Variants in KAT6B observed in about 807,000 individuals in gnomAD.
KAT6B encodes the protein histone acetyltransferase KAT6B.
KAT6B carries 10 observed loss-of-function variants against 187.5 expected under a neutral mutation model. The ratio of observed to expected loss-of-function variants is 0.05; its 90% CI spans 0.03 to 0.09. The LOEUF (loss-of-function observed/expected upper bound fraction) is 0.09. Among genes scored for constraint, KAT6B ranks in the 10% least tolerant of loss-of-function variants. The pLI is 1.00. For synonymous variants in KAT6B, 861 were observed against 926.8 expected, an observed-to-expected ratio of 0.93 and a Z score of 1.29; for missense variants, 1,952 against 2,558.9, an observed-to-expected ratio of 0.76 and a Z score of 5.12.
chr10:75,020,331 C>G (rs904652573), intron 13 of KAT6B, among the ~76,000 whole-genome samples: 2 of 152,174 alleles, frequency 1.3e-5, no homozygotes, highest in African/African-American at 4.8e-5. Flanking sequence ...TTAAATATGT[C>G]ACAATATGTG....
upstream of KAT6B, among the ~76,000 whole-genome samples, chr10:74,825,051 G>A (rs1840089877): frequency 6.6e-6 from 1 of 152,186 alleles, no homozygotes; most frequent in Non-Finnish European, 1.5e-5. This position sits in a 1 kb window ranked among gnomAD's most constrained non-coding sequence, Gnocchi z 5.0. Context: ...TGCCGCCGCC[G>A]TGCCCTGTCC....
intron 13 of KAT6B, among the ~76,000 whole-genome samples, chr10:75,014,896 T>C (rs937614598): frequency 2.6e-5 from 4 of 152,192 alleles, no homozygotes; most frequent in Non-Finnish European, 4.4e-5. Flanking sequence ...AGTGAGGTCT[T>C]ACCTATTTGA....
At chr10:74,969,571 A>G (rs754676050) in intron 4 of KAT6B, 89 bp from the exon 5 acceptor site, 5 of 764,670 alleles carry the variant, frequency 6.5e-6, no homozygotes, top group South Asian at 2.9e-5. Context: ...GGCTAGCCTC[A>G]TCAGCTATCT....
At chr10:74,859,631 G>A (rs1843040968) in intron 3 of KAT6B, among the ~76,000 whole-genome samples, 1 of 152,156 alleles carries the variant, frequency 6.6e-6, no homozygotes, top group African/African-American at 2.4e-5. Context: ...TGGAAATTCT[G>A]ACTAATCCAG....
chr10:74,931,958 T>C (rs1848912514), intron 3 of KAT6B, among the ~76,000 whole-genome samples: 1 of 152,040 alleles, frequency 6.6e-6, no homozygotes, highest in Admixed American at 6.5e-5. Context: ...GTAATCCTCC[T>C]GTGTTGGCCT....
intron 13 of KAT6B, among the ~76,000 whole-genome samples, chr10:74,994,801 G>GT (rs2133913052): frequency 7.0e-6 from 1 of 143,428 alleles, no homozygotes; most frequent in African/African-American, 2.6e-5. Context: ...GACTTCATCT[G>GT]TTAAAAAAAA....
In KAT6B at chr10:75,032,327, A is replaced by G. The variant is rs1846369871; in HGVS notation, c.*1281A>G. The G allele has an allele frequency of 5.2e-6, 1 of 193,910 alleles. No homozygotes were observed. The highest frequency in any genetic ancestry group is 2.3e-5 in the African/African-American group (1 of 43,124). The allele number at this position is 193,910 out of a possible 1,614,324, so 12.0% of individuals were successfully genotyped here. On this transcript the variant is annotated 3_prime_UTR_variant, in exon 18 of 18. Transcript: ENST00000287239. The stretch of plus-strand genomic sequence containing the variant: ...TGTCCTGTCATATTATGATTGATAG[A>G]GAATGACCAATGGAACTGTATCATG...
At chr10:74,897,594 T>C (rs532433113) in intron 3 of KAT6B, among the ~76,000 whole-genome samples, 1 of 152,208 alleles carries the variant, frequency 6.6e-6, no homozygotes, top group East Asian at 1.9e-4. Flanking sequence ...TGTTACCCCC[T>C]AGCAAGGCAT....
intron 3 of KAT6B, among the ~76,000 whole-genome samples, chr10:74,922,459 GA>G (rs1385211334): frequency 3.9e-5 from 6 of 152,034 alleles, no homozygotes; most frequent in Admixed American, 1.3e-4. Context: ...ATAGTGATCA[GA>G]AAAAAAGAAC....
intron 3 of KAT6B, among the ~76,000 whole-genome samples, chr10:74,901,918 A>G (rs984466079): frequency 2.0e-5 from 3 of 152,212 alleles, no homozygotes; most frequent in Non-Finnish European, 4.4e-5. Context: ...ATGGAAAATC[A>G]TTTGTTAAAA....
intron 1 of KAT6B, among the ~76,000 whole-genome samples, chr10:74,830,748 A>ATATGTATATATATATATATATATATATG (rs1554912236): frequency 5.2e-5 from 1 of 19,060 alleles, no homozygotes; most frequent in Non-Finnish European, 8.2e-5. Context: ...ATATATATAT[A>ATATGTATATATATATATATATATATATG]TATATATATA....
At chr10:74,874,018 C>G (rs1370480510) in intron 3 of KAT6B, among the ~76,000 whole-genome samples, 1 of 151,476 alleles carries the variant, frequency 6.6e-6, no homozygotes, top group Non-Finnish European at 1.5e-5. Flanking sequence ...GAGTTCCTAT[C>G]AGCATTAAAG....
chr10:74,866,574 A>G (rs887967189), intron 3 of KAT6B, among the ~76,000 whole-genome samples: 9 of 152,186 alleles, frequency 5.9e-5, no homozygotes, highest in African/African-American at 2.2e-4. Flanking sequence ...CATTTTCTTT[A>G]TCTTAGTAGA....
chr10:75,008,261 G>A (rs1290450615), intron 13 of KAT6B, among the ~76,000 whole-genome samples: 1 of 152,042 alleles, frequency 6.6e-6, no homozygotes, highest in Non-Finnish European at 1.5e-5. Context: ...TTTTTTTGTG[G>A]GAAGAACAGC....
chr10:74,848,107 C>T (rs1043124704), intron 3 of KAT6B, among the ~76,000 whole-genome samples: 16 of 151,636 alleles, frequency 1.1e-4, no homozygotes, highest in Admixed American at 7.2e-4. Context: ...TCAGTAGAGA[C>T]GGGGTTTCAC....
At chr10:74,861,188 A>C (rs1843158993) in intron 3 of KAT6B, among the ~76,000 whole-genome samples, 1 of 150,792 alleles carries the variant, frequency 6.6e-6, no homozygotes, top group Non-Finnish European at 1.5e-5. Flanking sequence ...TGTAATCCCA[A>C]CTCCTCAGGA....
intron 3 of KAT6B, among the ~76,000 whole-genome samples, chr10:74,937,978 C>G (rs1451306888): frequency 6.6e-6 from 1 of 152,140 alleles, no homozygotes; most frequent in Non-Finnish European, 1.5e-5. Context: ...CCCAAACATA[C>G]CCCAGAGTTG....
At position 74,951,968 on chromosome 10, in the gene KAT6B, A is replaced by C. The variant is rs116532472; in HGVS notation, c.622-8002A>C. 4.0e-3 allele frequency among the ~76,000 whole-genome samples: 602 copies of C among 152,362 alleles called. 8 individuals are homozygous for C. Among genetic ancestry groups the C allele is most frequent in the African/African-American group, 0.014 (573 of 41,584 alleles). Reference sequence around the variant, plus strand: ...GCTACAGCAATGAACAGTCTCTGCCATCATGATGGAACTTATGGTTTAGTA... The same window carrying C: ...GCTACAGCAATGAACAGTCTCTGCCCTCATGATGGAACTTATGGTTTAGTA... On this transcript the variant is annotated intron_variant, in intron 3 of 17. Transcript: ENST00000287239.
intron 13 of KAT6B, among the ~76,000 whole-genome samples, chr10:75,019,779 T>C (rs1466645291): frequency 2.0e-5 from 3 of 151,970 alleles, no homozygotes; most frequent in Non-Finnish European, 2.9e-5. Flanking sequence ...TTTTTTTTTT[T>C]TTCCATTTTT....
Sources: gnomAD v4.1 joint callset for allele counts (sites outside exome capture counted in the v4.1 genomes callset) on GRCh38, gnomAD v4.1.1 for gene constraint, Gnocchi (gnomAD v3.1) non-coding constraint, MANE v1.5 for transcripts, NCBI Gene and HGNC (gene_info 2026-07-23, HGNC 2026-07-21) for gene names.